CDK9: variants seen among roughly 807,000 people sequenced by gnomAD.
CDK9 encodes the protein cyclin-dependent kinase 9.
In CDK9, 34 loss-of-function variants were observed where a neutral mutation model predicts 39.0. That is an observed-to-expected ratio of 0.87 (90% CI 0.66 to 1.16). CDK9 has a LOEUF of 1.16. CDK9 is among the 50% of genes most tolerant of loss of function. The pLI is 0.00. For synonymous variants in CDK9, 233 were observed against 196.2 expected, an observed-to-expected ratio of 1.19 and a Z score of -1.57; for missense variants, 369 against 503.2, an observed-to-expected ratio of 0.73 and a Z score of 2.55.
Position 127,789,098 on chromosome 9 carries a change from C to G in CDK9, c.754-80C>G. ...CTCCGAGTGGAGCAGGTATTTTAGT[C>G]CTTTTAGGCCTTTATGAAGGGATAA... On this transcript the variant is annotated intron_variant, in intron 6 of 6. Coordinates refer to ENST00000373264, the MANE Select transcript of CDK9 (RefSeq NM_001261.4). This position sits in a 1 kb window ranked among gnomAD's most constrained non-coding sequence, Gnocchi z 5.2. 6.7e-7 allele frequency: 1 copy of G among 1,485,360 alleles called. No homozygotes were observed. Among genetic ancestry groups the G allele is most frequent in the Non-Finnish European group, 9.0e-7 (1 of 1,115,840 alleles). The allele number at this position is 1,485,360 out of a possible 1,614,324, so 92.0% of individuals were successfully genotyped here.
In CDK9 at chr9:127,789,733, C is replaced by G. The variant is rs927983811; in HGVS notation, c.*190C>G. ...CTGAGAGACCAGGAGGGCACTGGAG[C>G]TGTCTTGTCCTTGCTGGTTTTCTGG... is the stretch of plus-strand genomic sequence containing the variant. On this transcript the variant is annotated 3_prime_UTR_variant, in exon 7 of 7. Transcript: ENST00000373264. The surrounding 1 kb of genome is among the most constrained non-coding windows in gnomAD (Gnocchi z 5.2). 2 of 724,942 alleles carry G rather than the reference C, an allele frequency of 2.8e-6. No individual in the cohort carries two copies. Among genetic ancestry groups the G allele is most frequent in the East Asian group, 2.8e-5 (1 of 36,052 alleles). The allele number at this position is 724,942 out of a possible 1,614,324, so 44.9% of individuals were successfully genotyped here. A position where few individuals can be genotyped will look rare whatever the true frequency, so the allele number is the denominator to read the frequency against.
At chr9:127,787,895 G>C in intron 3 of CDK9, 52 bp from the exon 4 acceptor site, 1 of 1,587,738 alleles carries the variant, frequency 6.3e-7, no homozygotes, top group Non-Finnish European at 8.6e-7. Flanking sequence ...TTGTGGGAAA[G>C]TGTGTTGGGT....
At position 127,788,359 on chromosome 9, in the gene CDK9, G is replaced by A; in HGVS notation, c.578G>A (p.Trp193Ter). 1.2e-6 allele frequency: 2 copies of A among 1,612,770 alleles called. No homozygotes were observed. Among genetic ancestry groups the A allele is most frequent in the Non-Finnish European group, 1.7e-6 (2 of 1,179,922 alleles). The change falls in exon 5 of 7, where the codon TGG becomes TAG. Residue 193 changes from tryptophan to a stop codon, truncating the protein, a stop_gained. Coordinates refer to ENST00000373264, the MANE Select transcript of CDK9 (RefSeq NM_001261.4). LOFTEE classifies it high-confidence loss of function. Reference protein sequence around the residue: ...NRYTNRVVTLWYRPPELLLGE... With the variant: ...NRYTNRVVTL Reference sequence around the variant, plus strand: ...TACACCAACCGTGTGGTGACACTCTGGTACCGGCCCCCGGAGCTGTTGCTC... The same window carrying A: ...TACACCAACCGTGTGGTGACACTCTAGTACCGGCCCCCGGAGCTGTTGCTC...
chr9:127,789,128 C>T lies in CDK9; in HGVS notation c.754-50C>T, dbSNP rs765581062. The T allele has an allele frequency of 1.6e-5, 24 of 1,518,964 alleles. No individual in the cohort carries two copies. Among genetic ancestry groups the T allele is most frequent in the Admixed American group, 4.3e-5 (2 of 46,848 alleles). 94.1% of individuals were successfully genotyped at this position (1,518,964 alleles called of 1,614,324 possible). On this transcript the variant is annotated intron_variant, in intron 6 of 6. Transcript: ENST00000373264. The surrounding 1 kb of genome is among the most constrained non-coding windows in gnomAD (Gnocchi z 5.2). ...TAGGCCTTTATGAAGGGATAAGCCA[C>T]GCACCTCCTGACCGGACTCCATATT... is the stretch of plus-strand genomic sequence containing the variant.
chr9:127,787,077 A>G (rs1283135500), intron 2 of CDK9, among the ~76,000 whole-genome samples: 3 of 152,186 alleles, frequency 2.0e-5, no homozygotes. Context: ...TAAAAGAAAG[A>G]TTATATATGC....
intron 2 of CDK9, 84 bp from the exon 3 acceptor site, chr9:127,787,433 TC>T (rs1829350102): frequency 1.2e-6 from 1 of 830,768 alleles, no homozygotes; most frequent in African/African-American, 1.7e-5. Flanking sequence ...TTGCTCTGTC[TC>T]CCAACTTGGC....
At chr9:127,786,921 C>T (rs911576995) in intron 2 of CDK9, 139 bp downstream of exon 2, 35 of 675,428 alleles carry the variant, frequency 5.2e-5, no homozygotes, top group Non-Finnish European at 8.4e-5. Context: ...GGGAATGTGG[C>T]TTCCACCCTA....
rs771132092 is a variant in CDK9 at position 127,789,578 on chromosome 9, T to C, written c.*35T>C. 1 of 1,596,984 alleles carries C rather than the reference T, an allele frequency of 6.3e-7. No individual in the cohort carries two copies. On this transcript the variant is annotated 3_prime_UTR_variant, in exon 7 of 7. Coordinates refer to ENST00000373264, the MANE Select transcript of CDK9 (RefSeq NM_001261.4). This position sits in a 1 kb window ranked among gnomAD's most constrained non-coding sequence, Gnocchi z 5.2. The stretch of plus-strand genomic sequence containing the variant: ...CTTGCCACTAGGGCTCTTGTGTTTT[T>C]TTTCTTCTGCTATGTGACTTGCATC...
At position 127,789,549 on chromosome 9, in the gene CDK9, G is replaced by A. The variant is rs1241353159; in HGVS notation, c.*6G>A. ...AGTTTGAGCGCGTCTTCTGAGGGCC[G>A]GCGCTTGCCACTAGGGCTCTTGTGT... On this transcript the variant is annotated 3_prime_UTR_variant, in exon 7 of 7. Transcript: ENST00000373264. The surrounding 1 kb of genome is among the most constrained non-coding windows in gnomAD (Gnocchi z 5.2). The A allele has an allele frequency of 1.5e-5, 24 of 1,611,814 alleles. No individual in the cohort carries two copies. Among genetic ancestry groups the A allele is most frequent in the Admixed American group, 6.7e-5 (4 of 59,920 alleles).
rs3217749 is a variant in CDK9, at chr9:127,789,432, C to T, written c.1008C>T (p.Phe336=). 3,951 of 1,614,020 alleles carry T rather than the reference C, an allele frequency of 2.4e-3. 63 individuals carry two copies. The African/African-American group carries it at 0.038, about 16-fold the overall frequency. Residue 336 remains phenylalanine (F), a synonymous_variant, in exon 7 of 7, where the codon TTC becomes TTT. Coordinates refer to ENST00000373264, the MANE Select transcript of CDK9 (RefSeq NM_001261.4). The surrounding 1 kb of genome is among the most constrained non-coding windows in gnomAD (Gnocchi z 5.2). ...TCTCCACCCACCTGACGTCCATGTTCGAGTACTTGGCACCACCGCGCCGGA... is the reference window on the plus strand; with the variant it reads ...TCTCCACCCACCTGACGTCCATGTTTGAGTACTTGGCACCACCGCGCCGGA... The part of the protein sequence containing the change: ...GMLSTHLTSM[F]EYLAPPRRKG...
In CDK9 at chr9:127,787,622, T is replaced by C. The variant is rs1340827050; in HGVS notation, c.265+14T>C. On this transcript the variant is annotated intron_variant, in intron 3 of 6. Coordinates refer to ENST00000373264, the MANE Select transcript of CDK9 (RefSeq NM_001261.4). ...GTCGAACCAAAGGTAAGTTATTTGG[T>C]TCTTACGAGAAGATGACACTTGTAG... 6 of 1,580,804 alleles carry C rather than the reference T, an allele frequency of 3.8e-6. No individual in the cohort carries two copies. The highest frequency in any genetic ancestry group is 5.2e-6 in the Non-Finnish European group (6 of 1,149,600).
rs184616297 is a variant in CDK9, at chr9:127,788,635, C to T, written c.696C>T (p.Asn232=). 3.4e-5 allele frequency: 55 copies of T among 1,611,586 alleles called. No individual in the cohort carries two copies. In the Admixed American group the frequency reaches 6.5e-4, roughly 19 times the overall value. Reference sequence around the variant, plus strand: ...CCCGCAGCCCCATCATGCAGGGCAACACGGAGCAGCACCAACTCGCCCTCA... The same window carrying T: ...CCCGCAGCCCCATCATGCAGGGCAATACGGAGCAGCACCAACTCGCCCTCA... ...MWTRSPIMQG[N]TEQHQLALIS... Residue 232 remains asparagine (N), a synonymous_variant, in exon 6 of 7, where the codon AAC becomes AAT. Transcript: ENST00000373264.
In CDK9 at chr9:127,789,416, A is replaced by C; in HGVS notation, c.992A>C (p.His331Pro). The change falls in exon 7 of 7, where the codon CAC becomes CCC. Residue 331 changes from histidine (H) to proline (P), a missense_variant. Coordinates refer to ENST00000373264, the MANE Select transcript of CDK9 (RefSeq NM_001261.4). The surrounding 1 kb of genome is among the most constrained non-coding windows in gnomAD (Gnocchi z 5.2). ...PSDLKGMLSTHLTSMFEYLAP... is the reference protein window; with the variant it reads ...PSDLKGMLSTPLTSMFEYLAP... ...GACCTCAAGGGCATGCTCTCCACCC[A>C]CCTGACGTCCATGTTCGAGTACTTG... The C allele has an allele frequency of 6.2e-7, 1 of 1,613,740 alleles. No individual in the cohort carries two copies.
rs151087657 is a variant in CDK9 at position 127,786,931 on chromosome 9, A to G, written c.174+149A>G. 1,649 of 651,736 alleles carry G rather than the reference A, an allele frequency of 2.5e-3. 28 individuals carry two copies. The East Asian group carries it at 0.036, about 14-fold the overall frequency. The allele number at this position is 651,736 out of a possible 1,614,324, so 40.4% of individuals were successfully genotyped here. On this transcript the variant is annotated intron_variant, in intron 2 of 6. Coordinates refer to ENST00000373264, the MANE Select transcript of CDK9 (RefSeq NM_001261.4). ...TTCCAGGGAATGTGGCTTCCACCCTAAAACTAAATGTTTCATTCTTAGGCA... is the reference window on the plus strand; with the variant it reads ...TTCCAGGGAATGTGGCTTCCACCCTGAAACTAAATGTTTCATTCTTAGGCA...
chr9:127,788,176 G>A (rs761402308), intron 4 of CDK9, 38 bp from the exon 5 acceptor site: 1 of 1,613,388 alleles, frequency 6.2e-7, no homozygotes, highest in Non-Finnish European at 8.5e-7. Context: ...ACTCCCGGGT[G>A]GATGTCACTA....
chr9:127,787,149 C>T (rs937561349), intron 2 of CDK9, among the ~76,000 whole-genome samples: 8 of 152,232 alleles, frequency 5.3e-5, no homozygotes, highest in African/African-American at 1.2e-4. Context: ...GCGGTCCCTT[C>T]TCCACCCCAT....
rs369561959 is a variant in CDK9 at position 127,788,116 on chromosome 9, G to A, written c.432+3G>A. ...TCTACTACATCCACAGAAACAAGGTGGGGGCCAGAGCTGGGAGGAGGACCC... is the reference window on the plus strand; with the variant it reads ...TCTACTACATCCACAGAAACAAGGTAGGGGCCAGAGCTGGGAGGAGGACCC... On this transcript the variant is annotated splice_donor_region_variant and intron_variant, in intron 4 of 6. Coordinates refer to ENST00000373264, the MANE Select transcript of CDK9 (RefSeq NM_001261.4). 5.6e-6 allele frequency: 9 copies of A among 1,614,048 alleles called. No homozygotes were observed. The African/African-American group carries it at 6.7e-5, about 12-fold the overall frequency.
chr9:127,786,835 G>A (rs1172534838), intron 2 of CDK9, 53 bp downstream of exon 2: 2 of 1,539,350 alleles, frequency 1.3e-6, no homozygotes, highest in South Asian at 1.1e-5. Context: ...GGGACCCCGG[G>A]TCGGTTTTCC....
Position 127,788,378 on chromosome 9 carries a change from G to T in CDK9, c.597G>T (p.Leu199=). The change falls in exon 5 of 7, where the codon CTG becomes CTT. Residue 199 remains leucine (L), a synonymous_variant. Coordinates refer to ENST00000373264, the MANE Select transcript of CDK9 (RefSeq NM_001261.4). ...CACTCTGGTACCGGCCCCCGGAGCTGTTGCTCGGTGAGGACTCCCGAGCGG... is the reference window on the plus strand; with the variant it reads ...CACTCTGGTACCGGCCCCCGGAGCTTTTGCTCGGTGAGGACTCCCGAGCGG... ...VVTLWYRPPE[L]LLGERDYGPP... is the part of the protein sequence containing the mutation. The T allele has an allele frequency of 6.2e-7, 1 of 1,611,928 alleles. No individual in the cohort carries two copies. Among genetic ancestry groups the T allele is most frequent in the Non-Finnish European group, 8.5e-7 (1 of 1,179,652 alleles).
Sources: gnomAD v4.1 joint callset for allele counts (sites outside exome capture counted in the v4.1 genomes callset) on GRCh38, gnomAD v4.1.1 for gene constraint, Gnocchi (gnomAD v3.1) non-coding constraint, MANE v1.5 for transcripts, NCBI Gene and HGNC (gene_info 2026-07-23, HGNC 2026-07-21) for gene names.